The following EYS variants were observed in gnomAD, a reference collection of about 807,000 sequenced individuals.
The protein encoded by EYS is protein eyes shut homolog.
EYS carries 250 observed loss-of-function variants against 282.1 expected under a neutral mutation model. The ratio of observed to expected loss-of-function variants is 0.89; its 90% CI spans 0.80 to 0.98. The LOEUF is 0.98. EYS is among the 50% of genes least tolerant of loss of function. EYS has a pLI of 0.00. For synonymous variants in EYS, 1,355 were observed against 1,282.9 expected (o/e 1.06, Z -1.20); for missense variants, 4,016 against 3,709.0 (o/e 1.08, Z -2.15).
At chr6:64,765,650 C>A (rs1773300863) in intron 22 of EYS, among the ~76,000 whole-genome samples, 1 of 152,160 alleles carries the variant, frequency 6.6e-6, no homozygotes, top group African/African-American at 2.4e-5. Flanking sequence ...AAACTTACAA[C>A]TATGCTACAA....
chr6:65,463,407 A>G (rs1391032871), intron 5 of EYS, among the ~76,000 whole-genome samples: 1 of 151,992 alleles, frequency 6.6e-6, no homozygotes, highest in Non-Finnish European at 1.5e-5. Context: ...AAATTGGTAA[A>G]CCTATTCTCT....
chr6:64,994,001 A>C (rs953577771), intron 14 of EYS, among the ~76,000 whole-genome samples: 10 of 151,736 alleles, frequency 6.6e-5, no homozygotes, highest in African/African-American at 2.4e-4. Flanking sequence ...ATCAAAAATA[A>C]GCATTCATTA....
In EYS at chr6:65,179,093, C is replaced by A. The variant is rs970876277; in HGVS notation, c.2023+116770G>T. ...AGAGGGAAATTTATAGCACTAAATG[C>A]CCGCAAGAGAAAGCAGGAAAGATCT... On this transcript the variant is annotated intron_variant, in intron 12 of 42. Coordinates refer to ENST00000503581, the MANE Select transcript of EYS (RefSeq NM_001142800.2). Among the ~76,000 whole-genome samples the A allele has an allele frequency of 2.6e-5, 4 of 152,084 alleles. 1 individual carries two copies. The South Asian group carries it at 8.3e-4, about 32-fold the overall frequency.
intron 39 of EYS, chr6:63,787,476 G>T (rs1185979917): frequency 6.6e-6 from 1 of 152,144 alleles, no homozygotes; most frequent in African/African-American, 2.4e-5. Flanking sequence ...CCATAATCCT[G>T]ATTCCTTTAA....
intron 35 of EYS, among the ~76,000 whole-genome samples, chr6:63,938,646 T>C (rs1383125414): frequency 6.6e-6 from 1 of 152,248 alleles, no homozygotes; most frequent in East Asian, 1.9e-4. Flanking sequence ...TTTCTCTTAA[T>C]TTCTGCCCAG....
At chr6:64,315,008 C>A (rs1230338439) in intron 29 of EYS, among the ~76,000 whole-genome samples, 1 of 151,868 alleles carries the variant, frequency 6.6e-6, no homozygotes, top group Non-Finnish European at 1.5e-5. Flanking sequence ...AAAAGATCAA[C>A]AAACTAGATA....
At chr6:64,346,257 G>T (rs1771389395) in intron 29 of EYS, among the ~76,000 whole-genome samples, 2 of 152,094 alleles carry the variant, frequency 1.3e-5, no homozygotes, top group African/African-American at 4.8e-5. Flanking sequence ...GCATACGTAT[G>T]TTTATTGTGG....
intron 35 of EYS, among the ~76,000 whole-genome samples, chr6:63,950,497 C>T (rs964978113): frequency 1.3e-5 from 2 of 152,078 alleles, no homozygotes; most frequent in Non-Finnish European, 2.9e-5. Context: ...CTCTGACTCT[C>T]TTTTCAGACT....
At chr6:65,359,837 T>TC (rs1346593734) in intron 8 of EYS, among the ~76,000 whole-genome samples, 1 of 151,976 alleles carries the variant, frequency 6.6e-6, no homozygotes, top group African/African-American at 2.4e-5. Context: ...TCTATTCATT[T>TC]CATCATTTTT....
intron 29 of EYS, among the ~76,000 whole-genome samples, chr6:64,371,323 G>GT (rs1181719556): frequency 2.6e-3 from 205 of 78,144 alleles, no homozygotes; most frequent in African/African-American, 3.3e-3. Flanking sequence ...TTTTATGGTT[G>GT]GTTTTTTTTT....
At chr6:65,436,808 AATAGAT>A (rs1768090346) in intron 5 of EYS, among the ~76,000 whole-genome samples, 2 of 152,134 alleles carry the variant, frequency 1.3e-5, no homozygotes, top group Non-Finnish European at 2.9e-5. Context: ...AAAATATCTG[AATAGAT>A]ATAAAGAATG....
At chr6:65,541,261 C>G (rs919134181) in intron 2 of EYS, among the ~76,000 whole-genome samples, 1 of 152,058 alleles carries the variant, frequency 6.6e-6, no homozygotes, top group Non-Finnish European at 1.5e-5. Flanking sequence ...GTAAGAGATT[C>G]TGAGTTAATT....
At chr6:65,686,470 G>A (rs562581483) in intron 1 of EYS, among the ~76,000 whole-genome samples, 2 of 152,154 alleles carry the variant, frequency 1.3e-5, no homozygotes, top group Admixed American at 6.6e-5. Flanking sequence ...TGGAGTCGAC[G>A]CGATTATGTG....
chr6:64,054,037 A>G (rs1365663949), intron 33 of EYS, among the ~76,000 whole-genome samples: 1 of 152,024 alleles, frequency 6.6e-6, no homozygotes, highest in African/African-American at 2.4e-5. Context: ...ACCCTTATAT[A>G]CTTGTTTATA....
intron 8 of EYS, among the ~76,000 whole-genome samples, chr6:65,370,832 G>A (rs1035436594): frequency 6.6e-6 from 1 of 151,882 alleles, no homozygotes; most frequent in African/African-American, 2.4e-5. Flanking sequence ...TTTGCCTTTA[G>A]GGCAATTTTT....
intron 5 of EYS, among the ~76,000 whole-genome samples, chr6:65,474,529 A>G (rs1765331007): frequency 6.6e-6 from 1 of 152,066 alleles, no homozygotes; most frequent in Admixed American, 6.6e-5. Flanking sequence ...ATTGAAGCTT[A>G]TTGTGGAATT....
In EYS at chr6:64,860,797, G is replaced by C. The variant is rs1044233607; in HGVS notation, c.2992+25900C>G. Among the ~76,000 whole-genome samples the C allele has an allele frequency of 2.0e-5, 3 of 152,338 alleles. No homozygotes were observed. In the South Asian group the frequency reaches 6.2e-4, roughly 32 times the overall value. On this transcript the variant is annotated intron_variant, in intron 19 of 42. Transcript: ENST00000503581. ...GAAAGAGGTAGGTAGACAAGTGGAG[G>C]ATGAGCAAGGTGAAGAAGAGCTTTA... is the stretch of plus-strand genomic sequence containing the variant.
intron 5 of EYS, among the ~76,000 whole-genome samples, chr6:65,452,993 C>A (rs1034588039): frequency 2.6e-5 from 4 of 151,922 alleles, no homozygotes; most frequent in Admixed American, 1.3e-4. Flanking sequence ...TCTCAAAAAA[C>A]AAATTCATCT....
At chr6:65,296,267 A>C (rs1227982009) in intron 11 of EYS, 148 bp from the exon 12 acceptor site, 2 of 900,332 alleles carry the variant, frequency 2.2e-6, no homozygotes, top group Non-Finnish European at 3.2e-6. Context: ...ATTTTCATAA[A>C]GTGTCCATTC....
Sources: gnomAD v4.1 joint callset for allele counts (sites outside exome capture counted in the v4.1 genomes callset) on GRCh38, gnomAD v4.1.1 for gene constraint, MANE v1.5 for transcripts, NCBI Gene and HGNC (gene_info 2026-07-23, HGNC 2026-07-21) for gene names.